AGTPBP1: variants seen among roughly 807,000 people sequenced by gnomAD.
The protein encoded by AGTPBP1 is ATP/GTP binding carboxypeptidase 1.
In AGTPBP1, 70 loss-of-function variants were observed where a neutral mutation model predicts 143.9. The ratio of observed to expected loss-of-function variants is 0.49; its 90% CI spans 0.40 to 0.59. The LOEUF (loss-of-function observed/expected upper bound fraction) is 0.59. Among genes scored for constraint, AGTPBP1 ranks in the 20% least tolerant of loss-of-function variants. The probability of loss-of-function intolerance (pLI) is 0.00; values close to 1 mark genes in which losing one functional copy is unlikely to be tolerated. For synonymous variants in AGTPBP1, 463 were observed against 500.2 expected, an observed-to-expected ratio of 0.93 and a Z score of 0.99; for missense variants, 1,229 against 1,464.5, an observed-to-expected ratio of 0.84 and a Z score of 2.62.
At chr9:85,721,377 T>C (rs1428241001) in intron 1 of AGTPBP1, among the ~76,000 whole-genome samples, 3 of 152,240 alleles carry the variant, frequency 2.0e-5, no homozygotes, top group African/African-American at 7.2e-5. Context: ...TTAGGATAGT[T>C]AGCTCTTCTT....
At chr9:85,615,152 T>C (rs1440937725) in intron 17 of AGTPBP1, among the ~76,000 whole-genome samples, 1 of 152,042 alleles carries the variant, frequency 6.6e-6, no homozygotes, top group African/African-American at 2.4e-5. Context: ...TCACAGAAAA[T>C]ACCAAAATAA....
intron 13 of AGTPBP1, among the ~76,000 whole-genome samples, chr9:85,639,478 A>G (rs1445006754): frequency 6.6e-6 from 1 of 152,086 alleles, no homozygotes; most frequent in African/African-American, 2.4e-5. Context: ...AAAAGAATGA[A>G]AGCAGCAAAA....
Position 85,592,633 on chromosome 9 carries a change from G to A in AGTPBP1, c.2495C>T (p.Thr832Ile), listed in dbSNP as rs1288132385. ...KGKSYYTITF[T>I]VNFPHKDDVC... ...ATCATCTTTATGTGGAAAATTGACA[G>A]TAAATGTAATTGTATAGTAGGATTT... The change falls in exon 19 of 26, where the codon ACT (threonine) becomes ATT (isoleucine). Residue 832 changes from threonine to isoleucine, a missense_variant. Transcript: ENST00000357081. 1 of 1,612,342 alleles carries A rather than the reference G, an allele frequency of 6.2e-7. No individual in the cohort carries two copies. The highest frequency in any genetic ancestry group is 1.7e-5 in the Admixed American group (1 of 59,784).
chr9:85,657,059 T>C (rs1416219176), intron 10 of AGTPBP1, among the ~76,000 whole-genome samples: 4 of 151,846 alleles, frequency 2.6e-5, no homozygotes, highest in African/African-American at 4.8e-5. Context: ...AGGGATAGCA[T>C]TGGGAGATAT....
chr9:85,642,004 T>C (rs184685712), intron 13 of AGTPBP1, among the ~76,000 whole-genome samples: 6 of 152,066 alleles, frequency 3.9e-5, no homozygotes, highest in Admixed American at 3.3e-4. Flanking sequence ...CGGCAACAAA[T>C]ATTTCTTTTT....
intron 1 of AGTPBP1, among the ~76,000 whole-genome samples, chr9:85,725,239 C>G (rs559114365): frequency 6.6e-6 from 1 of 152,044 alleles, no homozygotes; most frequent in Non-Finnish European, 1.5e-5. Context: ...GATTCTCAAC[C>G]TGGAGTCCAC....
chr9:85,766,325 G>T, the AGTPBP1 span, among the ~76,000 whole-genome samples: 1 of 152,010 alleles, frequency 6.6e-6, no homozygotes, highest in Non-Finnish European at 1.5e-5. Context: ...ATTCATCAAG[G>T]CAGCCTCAGT....
At chr9:85,561,127 G>T (rs1826684418) in intron 25 of AGTPBP1, among the ~76,000 whole-genome samples, 1 of 152,114 alleles carries the variant, frequency 6.6e-6, no homozygotes, top group African/African-American at 2.4e-5. Context: ...ACTTTGGGAG[G>T]TGGAGGCAGG....
At chr9:85,643,800 T>G (rs142366179) in intron 12 of AGTPBP1, among the ~76,000 whole-genome samples, 2 of 152,304 alleles carry the variant, frequency 1.3e-5, no homozygotes, top group East Asian at 3.9e-4. Flanking sequence ...TGTCAGATTA[T>G]CTACTACCCA....
the AGTPBP1 span, among the ~76,000 whole-genome samples, chr9:85,798,108 G>A: frequency 3.3e-5 from 5 of 149,716 alleles, no homozygotes; most frequent in South Asian, 1.1e-3. Context: ...CACCATATTG[G>A]CCAGGCTGGT....
chr9:85,777,540 CAG>C, the AGTPBP1 span, among the ~76,000 whole-genome samples: 1 of 152,222 alleles, frequency 6.6e-6, no homozygotes, highest in Non-Finnish European at 1.5e-5. Context: ...TGGGCAATGA[CAG>C]GGGTGGCTGG....
chr9:85,774,391 T>A, the AGTPBP1 span, among the ~76,000 whole-genome samples: 1 of 152,210 alleles, frequency 6.6e-6, no homozygotes, highest in African/African-American at 2.4e-5. Context: ...AATACTATCA[T>A]ATTTAAGTTA....
At chr9:85,633,497 C>T (rs896656468) in intron 13 of AGTPBP1, 123 bp from the exon 14 acceptor site, 18 of 700,988 alleles carry the variant, frequency 2.6e-5, no homozygotes, top group East Asian at 6.4e-5. Context: ...TGGATAAAAC[C>T]GGATATGTTT....
At chr9:85,616,162 A>G (rs1830589996) in intron 17 of AGTPBP1, among the ~76,000 whole-genome samples, 1 of 151,992 alleles carries the variant, frequency 6.6e-6, no homozygotes. Context: ...TGGATGATGC[A>G]TTGTCAATGG....
At position 85,741,374 on chromosome 9, in the gene AGTPBP1, G is replaced by A. The variant is rs372635403; in HGVS notation, c.-34+401C>T. The A allele has an allele frequency of 3.2e-4, 313 of 985,300 alleles. 3 individuals are homozygous for A. In the South Asian group the frequency reaches 0.013, roughly 39 times the overall value. The allele number at this position is 985,300 out of a possible 1,614,324, so 61.0% of individuals were successfully genotyped here. On this transcript the variant is annotated intron_variant, in intron 1 of 25. Transcript: ENST00000357081. ...GGCGGGGGAGAGCGGGGCTGGGCGCGCCCGCCCCCGGCCCTGCAGCCCCTC... is the reference window on the plus strand; with the variant it reads ...GGCGGGGGAGAGCGGGGCTGGGCGCACCCGCCCCCGGCCCTGCAGCCCCTC...
chr9:85,659,178 T>C (rs1338328706), intron 9 of AGTPBP1, among the ~76,000 whole-genome samples: 1 of 152,196 alleles, frequency 6.6e-6, no homozygotes, highest in African/African-American at 2.4e-5. Flanking sequence ...CAGAGCTACA[T>C]GCAATCTGTG....
chr9:85,681,305 C>A lies in AGTPBP1; in HGVS notation c.188G>T (p.Gly63Val), dbSNP rs764508777. ...CAGCAGAATTTCCATTCCTGTAGAACCTTTGGCTGTCATTTCTCTCCTTGT... is the reference window on the plus strand; with the variant it reads ...CAGCAGAATTTCCATTCCTGTAGAAACTTTGGCTGTCATTTCTCTCCTTGT... ...EKTRREMTAK[G>V]STGMEILLST... is the part of the protein sequence containing the mutation. Residue 63 changes from glycine (G) to valine (V), a missense_variant, in exon 4 of 26, where the codon GGT becomes GTT. Around this residue, in one of 2 missense-constraint regions of AGTPBP1, gnomAD observed 743 missense variants for 812.2 expected, o/e 0.91. Coordinates refer to ENST00000357081, the MANE Select transcript of AGTPBP1 (RefSeq NM_001330701.2). 1.7e-5 allele frequency: 28 copies of A among 1,612,136 alleles called. No homozygotes were observed. In the South Asian group the frequency reaches 2.9e-4, roughly 17 times the overall value.
chr9:85,546,821 T>G lies in AGTPBP1; in HGVS notation c.*288A>C. ...ATCCACTTGATGCAGGATATAACCA[T>G]AGGGAGATAAAAATTCATGCAATGA... On this transcript the variant is annotated 3_prime_UTR_variant, in exon 26 of 26. Coordinates refer to ENST00000357081, the MANE Select transcript of AGTPBP1 (RefSeq NM_001330701.2). 4.4e-6 allele frequency: 1 copy of G among 229,122 alleles called. No individual in the cohort carries two copies. Among genetic ancestry groups the G allele is most frequent in the Non-Finnish European group, 8.4e-6 (1 of 118,564 alleles). 14.2% of individuals were successfully genotyped at this position (229,122 alleles called of 1,614,324 possible). A position where few individuals can be genotyped will look rare whatever the true frequency, so the allele number is the denominator to read the frequency against.
At chr9:85,695,363 T>A (rs577884165) in intron 2 of AGTPBP1, among the ~76,000 whole-genome samples, 12 of 152,238 alleles carry the variant, frequency 7.9e-5, no homozygotes, top group African/African-American at 2.9e-4. Flanking sequence ...AAAATAAAAC[T>A]GAGCTTTAAA....
Sources: gnomAD v4.1 joint callset for allele counts (sites outside exome capture counted in the v4.1 genomes callset) on GRCh38, gnomAD v4.1.1 for gene constraint, gnomAD v4.1.1 regional missense constraint, MANE v1.5 for transcripts, NCBI Gene and HGNC (gene_info 2026-07-23, HGNC 2026-07-21) for gene names.